The following CCSER1 variants were observed in gnomAD, a reference collection of about 807,000 sequenced individuals.
The protein encoded by CCSER1 is coiled-coil serine rich protein 1.
A neutral mutation model predicts 82.0 loss-of-function variants in CCSER1; 41 were observed. That is an observed-to-expected ratio of 0.50 (90% CI 0.39 to 0.65). The LOEUF is 0.65. CCSER1 is among the 30% of genes least tolerant of loss of function. The pLI, the probability that CCSER1 is intolerant of heterozygous loss-of-function variation, is 0.00. For synonymous variants in CCSER1, 414 were observed against 383.9 expected (o/e 1.08, Z -0.92); for missense variants, 1,119 against 1,064.2 (o/e 1.05, Z -0.72).
chr4:91,251,887 G>A (rs369932310), intron 10 of CCSER1, among the ~76,000 whole-genome samples: 7 of 152,270 alleles, frequency 4.6e-5, no homozygotes, highest in African/African-American at 1.7e-4. Flanking sequence ...ATCTGTGTGA[G>A]TAACAGAAGA....
At chr4:90,484,783 C>G (rs1381892807) in intron 5 of CCSER1, among the ~76,000 whole-genome samples, 1 of 152,160 alleles carries the variant, frequency 6.6e-6, no homozygotes, top group Non-Finnish European at 1.5e-5. Context: ...TCAATCTGCC[C>G]CTACTGGGGG....
chr4:90,663,284 T>A (rs1656255436), intron 6 of CCSER1, among the ~76,000 whole-genome samples: 3 of 152,196 alleles, frequency 2.0e-5, no homozygotes, highest in African/African-American at 4.8e-5. Flanking sequence ...CATCTTCACT[T>A]TTTTGATGAA....
Position 91,583,998 on chromosome 4 carries a change from A to G in CCSER1, c.2218-14574A>G, listed in dbSNP as rs374166520. 7.3e-5 allele frequency among the ~76,000 whole-genome samples: 11 copies of G among 151,594 alleles called. 1 individual carries two copies. In the South Asian group the frequency reaches 1.0e-3, roughly 14 times the overall value. On this transcript the variant is annotated intron_variant, in intron 10 of 10. Transcript: ENST00000509176. ...TGTTTCCTTACAAAATGTTCACAGC[A>G]TGCTTTGTTAGCAATCTGCATTCTT...
intron 9 of CCSER1, among the ~76,000 whole-genome samples, chr4:91,039,970 G>A (rs1397780692): frequency 6.6e-6 from 1 of 151,922 alleles, no homozygotes; most frequent in Non-Finnish European, 1.5e-5. Context: ...AAAATTCAAA[G>A]AAATAAACAA....
intron 10 of CCSER1, among the ~76,000 whole-genome samples, chr4:91,333,560 C>A (rs974632569): frequency 6.6e-6 from 1 of 151,952 alleles, no homozygotes; most frequent in African/African-American, 2.4e-5. Flanking sequence ...TTGGGTTGCA[C>A]CTCCTACTTC....
At chr4:90,427,259 A>T (rs1025374019) in intron 4 of CCSER1, among the ~76,000 whole-genome samples, 1 of 151,880 alleles carries the variant, frequency 6.6e-6, no homozygotes, top group Non-Finnish European at 1.5e-5. Context: ...TTATTAAATT[A>T]TGTTAAAAAA....
chr4:91,152,367 T>C (rs753514774), intron 10 of CCSER1, among the ~76,000 whole-genome samples: 1 of 152,224 alleles, frequency 6.6e-6, no homozygotes, highest in Non-Finnish European at 1.5e-5. Context: ...CCTATGTGTG[T>C]CTCTGCACAT....
At chr4:90,237,645 T>G (rs1403290063) in intron 1 of CCSER1, among the ~76,000 whole-genome samples, 2 of 152,206 alleles carry the variant, frequency 1.3e-5, no homozygotes, top group Non-Finnish European at 2.9e-5. Flanking sequence ...TGGGAAGTCT[T>G]TGGAAATGGA....
chr4:90,859,395 A>C (rs1205814551), intron 8 of CCSER1, among the ~76,000 whole-genome samples: 1 of 151,850 alleles, frequency 6.6e-6, no homozygotes, highest in Non-Finnish European at 1.5e-5. Context: ...ATACAACTAC[A>C]GTAATTGCTC....
At chr4:90,711,322 A>G (rs1740570119) in intron 6 of CCSER1, among the ~76,000 whole-genome samples, 2 of 151,922 alleles carry the variant, frequency 1.3e-5, no homozygotes, top group East Asian at 1.9e-4. Context: ...TATGCTTTAT[A>G]TCTTTCTCTT....
chr4:90,220,623 G>A (rs1466048580), intron 1 of CCSER1, among the ~76,000 whole-genome samples: 1 of 152,104 alleles, frequency 6.6e-6, no homozygotes, highest in African/African-American at 2.4e-5. Flanking sequence ...CATCTGGCAC[G>A]TTTCTGTACT....
chr4:91,156,312 A>T (rs1560475235), intron 10 of CCSER1, among the ~76,000 whole-genome samples: 2 of 151,692 alleles, frequency 1.3e-5, no homozygotes, highest in African/African-American at 4.8e-5. Context: ...TTAGATGCTT[A>T]TTTCTACTCC....
At chr4:91,024,944 AC>A (rs766738727) in intron 9 of CCSER1, among the ~76,000 whole-genome samples, 4 of 152,146 alleles carry the variant, frequency 2.6e-5, no homozygotes, top group Admixed American at 6.6e-5. Context: ...AAATGACCTT[AC>A]AATCATATAA....
chr4:91,163,311 T>A (rs995765363), intron 10 of CCSER1, among the ~76,000 whole-genome samples: 2 of 152,244 alleles, frequency 1.3e-5, no homozygotes, highest in Non-Finnish European at 2.9e-5. Flanking sequence ...TGTTGTGATG[T>A]CTGTTCTTTT....
chr4:90,750,540 T>G (rs1272205867), intron 7 of CCSER1, among the ~76,000 whole-genome samples: 3 of 152,170 alleles, frequency 2.0e-5, no homozygotes. Flanking sequence ...CTTTCCAGTG[T>G]ATGCGTTTAT....
At chr4:90,883,244 A>G (rs1435621097) in intron 8 of CCSER1, among the ~76,000 whole-genome samples, 1 of 152,100 alleles carries the variant, frequency 6.6e-6, no homozygotes, top group Non-Finnish European at 1.5e-5. Flanking sequence ...TAACAACTAC[A>G]GGTTGTTTCC....
intron 10 of CCSER1, among the ~76,000 whole-genome samples, chr4:91,573,458 A>C (rs923455298): frequency 2.6e-5 from 4 of 152,166 alleles, no homozygotes; most frequent in Admixed American, 2.6e-4. Flanking sequence ...GTCTCCACGC[A>C]TGCCTGAGTG....
At chr4:91,401,506 G>C (rs1327682654) in intron 10 of CCSER1, among the ~76,000 whole-genome samples, 1 of 151,642 alleles carries the variant, frequency 6.6e-6, no homozygotes, top group Non-Finnish European at 1.5e-5. Flanking sequence ...CCATTAACTC[G>C]TCATTTAAAT....
intron 5 of CCSER1, among the ~76,000 whole-genome samples, chr4:90,524,847 T>C (rs1283700711): frequency 1.3e-5 from 2 of 152,110 alleles, no homozygotes; most frequent in Non-Finnish European, 2.9e-5. Context: ...CTAAATTCCT[T>C]CAGTTGTCTA....
Sources: gnomAD v4.1 joint callset for allele counts (sites outside exome capture counted in the v4.1 genomes callset) on GRCh38, gnomAD v4.1.1 for gene constraint, MANE v1.5 for transcripts, NCBI Gene and HGNC (gene_info 2026-07-23, HGNC 2026-07-21) for gene names.